The following USH2A variants were observed in gnomAD, a reference collection of about 807,000 sequenced individuals.
USH2A encodes usherin.
A neutral mutation model predicts 538.9 loss-of-function variants in USH2A; 443 were observed. The observed-to-expected ratio is 0.82, with a 90% CI of 0.76 to 0.89. USH2A has a LOEUF of 0.89. USH2A is among the 40% of genes least tolerant of loss of function. The probability of loss-of-function intolerance (pLI) is 0.00; values close to 1 mark genes in which losing one functional copy is unlikely to be tolerated. For missense variants in USH2A, 6,633 were observed against 6,324.8 expected (o/e 1.05, Z -1.65); for synonymous variants, 2,413 against 2,273.5 (o/e 1.06, Z -1.75).
intron 21 of USH2A, among the ~76,000 whole-genome samples, chr1:216,136,708 T>C (rs2033492967): frequency 6.6e-6 from 1 of 152,180 alleles, no homozygotes; most frequent in Non-Finnish European, 1.5e-5. Flanking sequence ...TACTGTAGTA[T>C]GACTGGTGTC....
intron 18 of USH2A, among the ~76,000 whole-genome samples, chr1:216,197,054 T>G (rs1290433699): frequency 6.6e-6 from 1 of 152,050 alleles, no homozygotes; most frequent in African/African-American, 2.4e-5. Flanking sequence ...GTCACAAAAA[T>G]AGAACATCTC....
intron 20 of USH2A, 102 bp downstream of exon 20, chr1:216,190,121 G>T: frequency 6.7e-7 from 1 of 1,496,792 alleles, no homozygotes. Flanking sequence ...AGTGAGGGAG[G>T]AGAAGACAAA....
Position 215,980,190 on chromosome 1 carries a change from T to C in USH2A, c.6806-9414A>G, listed in dbSNP as rs190601971. Among the ~76,000 whole-genome samples, 215 of 152,276 alleles carry C rather than the reference T, an allele frequency of 1.4e-3. 1 individual carries two copies. Among genetic ancestry groups the C allele is most frequent in the African/African-American group, 4.5e-3 (189 of 41,572 alleles). On this transcript the variant is annotated intron_variant, in intron 35 of 71. Coordinates refer to ENST00000307340, the MANE Select transcript of USH2A (RefSeq NM_206933.4). ...TTATGCTAAAGCAATAATCACTGGA[T>C]TGAGCGTTTTAATCAAGTACTATTT... is the stretch of plus-strand genomic sequence containing the variant.
chr1:215,711,019 C>T (rs1025107585), intron 61 of USH2A, among the ~76,000 whole-genome samples: 1 of 151,896 alleles, frequency 6.6e-6, no homozygotes, highest in African/African-American at 2.4e-5. Flanking sequence ...CCCTCAAGCC[C>T]TCGCTTTCTT....
intron 11 of USH2A, among the ~76,000 whole-genome samples, chr1:216,269,402 G>A (rs759190971): frequency 4.6e-5 from 7 of 152,100 alleles, no homozygotes; most frequent in Non-Finnish European, 7.4e-5. Flanking sequence ...CCCCAGCCAT[G>A]TGGAACTGTA....
At chr1:215,733,165 G>A (rs527836803) in intron 60 of USH2A, among the ~76,000 whole-genome samples, 7 of 141,064 alleles carry the variant, frequency 5.0e-5, no homozygotes, top group African/African-American at 1.1e-4. Context: ...AGTGCATCAC[G>A]TGCAGAGAGC....
chr1:215,632,679 G>T (rs1327988917), intron 70 of USH2A, among the ~76,000 whole-genome samples: 1 of 152,154 alleles, frequency 6.6e-6, no homozygotes, highest in Non-Finnish European at 1.5e-5. Flanking sequence ...ATAGACCCTA[G>T]TTTCAGTTTA....
chr1:216,135,134 ACTCTCTCTCT>A lies in USH2A; in HGVS notation c.4628-37931_4628-37922del, dbSNP rs10560983. 1.9e-3 allele frequency among the ~76,000 whole-genome samples: 228 copies of A among 121,008 alleles called. 1 individual carries two copies. The highest frequency in any genetic ancestry group is 0.012 in the Middle Eastern group (3 of 254). The allele number at this position is 121,008 out of a possible 152,430, so 79.4% of individuals were successfully genotyped here. A position where few individuals can be genotyped will look rare whatever the true frequency, so the allele number is the denominator to read the frequency against. On this transcript the variant is annotated intron_variant, in intron 21 of 71. Transcript: ENST00000307340. ...ATTAATATCTGTCTTGGAGCCTGAA[ACTCTCTCTCT>A]CTCTCTCTCTCTCTCTCTCTCTCAC...
At chr1:215,771,414 A>C (rs1284992176) in intron 55 of USH2A, among the ~76,000 whole-genome samples, 1 of 150,440 alleles carries the variant, frequency 6.6e-6, no homozygotes. Flanking sequence ...CCCCGTCTCT[A>C]CTAAAAATAC....
intron 48 of USH2A, among the ~76,000 whole-genome samples, chr1:215,816,109 C>A (rs1292706585): frequency 3.3e-5 from 5 of 152,040 alleles, no homozygotes; most frequent in Non-Finnish European, 7.4e-5. Context: ...GTTTAATGGG[C>A]AAATTTATTT....
In USH2A at chr1:216,153,709, G is replaced by T. The variant is rs188751557; in HGVS notation, c.4627+21543C>A. 5.9e-5 allele frequency among the ~76,000 whole-genome samples: 9 copies of T among 152,212 alleles called. No individual in the cohort carries two copies. The East Asian group carries it at 1.7e-3, about 29-fold the overall frequency. ...AAAACAGAGATAATGCTGCATATTA[G>T]ATATAAGGGGAAAAAAACCCTCAAA... On this transcript the variant is annotated intron_variant, in intron 21 of 71. Coordinates refer to ENST00000307340, the MANE Select transcript of USH2A (RefSeq NM_206933.4).
intron 40 of USH2A, among the ~76,000 whole-genome samples, chr1:215,896,223 C>G (rs1041084095): frequency 2.0e-5 from 3 of 151,586 alleles, no homozygotes; most frequent in Admixed American, 2.0e-4. Context: ...GAATTTTAAA[C>G]TACAAATTTG....
chr1:215,720,246 G>A (rs532478579), intron 61 of USH2A, among the ~76,000 whole-genome samples: 2 of 152,286 alleles, frequency 1.3e-5, no homozygotes, highest in Admixed American at 1.3e-4. Flanking sequence ...ACTTCAGGGA[G>A]GGAATGGGAT....
At chr1:216,154,783 A>G (rs1369297596) in intron 21 of USH2A, among the ~76,000 whole-genome samples, 1 of 152,172 alleles carries the variant, frequency 6.6e-6, no homozygotes, top group Non-Finnish European at 1.5e-5. Flanking sequence ...GCTTACTAGT[A>G]TTTCATCACA....
At chr1:215,746,166 C>T (rs12058230) in intron 58 of USH2A, among the ~76,000 whole-genome samples, 31,968 of 152,034 alleles carry the variant, frequency 0.21, 3,520 homozygotes, top group Non-Finnish European at 0.23. Context: ...CCCATGTCTG[C>T]GTGGTTTCTT....
chr1:216,176,746 C>G (rs142867252), intron 20 of USH2A, among the ~76,000 whole-genome samples: 1 of 152,124 alleles, frequency 6.6e-6, no homozygotes, highest in African/African-American at 2.4e-5. Flanking sequence ...GGTAACTACT[C>G]ATCTCCGTAG....
At chr1:215,822,414 T>C (rs992041137) in intron 47 of USH2A, among the ~76,000 whole-genome samples, 2 of 151,968 alleles carry the variant, frequency 1.3e-5, no homozygotes, top group African/African-American at 2.4e-5. Flanking sequence ...CTTGATTTCT[T>C]TTCAGATTGC....
At chr1:215,826,231 G>A (rs563789267) in intron 47 of USH2A, among the ~76,000 whole-genome samples, 54 of 152,300 alleles carry the variant, frequency 3.5e-4, no homozygotes, top group African/African-American at 1.1e-3. Flanking sequence ...CTGGCATGAG[G>A]AGACTCCAGC....
intron 21 of USH2A, among the ~76,000 whole-genome samples, chr1:216,149,639 C>T (rs958969553): frequency 4.6e-5 from 7 of 152,176 alleles, no homozygotes; most frequent in African/African-American, 1.7e-4. Flanking sequence ...TCCCAGACAC[C>T]AGCCCTCTAG....
Sources: allele counts gnomAD v4.1 joint callset (sites outside exome capture counted in the v4.1 genomes callset), GRCh38; gene constraint gnomAD v4.1.1; transcripts MANE v1.5; gene names NCBI Gene and HGNC (gene_info 2026-07-23, HGNC 2026-07-21).